The following CCDC138 variants were observed in gnomAD, a reference collection of about 807,000 sequenced individuals.
CCDC138 encodes coiled-coil domain containing 138.
In CCDC138, 66 loss-of-function variants were observed where a neutral mutation model predicts 82.3. The observed-to-expected ratio is 0.80, with a 90% CI of 0.66 to 0.98. The LOEUF (loss-of-function observed/expected upper bound fraction) is 0.98, where lower values mean the gene tolerates loss of function less well. Ranked by LOEUF, CCDC138 falls within the 50% of genes least tolerant of loss-of-function variation. The pLI is 0.00. For missense variants in CCDC138, 816 were observed against 758.9 expected, an observed-to-expected ratio of 1.08 and a Z score of -0.88; for synonymous variants, 297 against 265.4, an observed-to-expected ratio of 1.12 and a Z score of -1.16.
chr2:108,842,075 G>A (rs13430710), intron 11 of CCDC138, among the ~76,000 whole-genome samples: 9,764 of 152,142 alleles, frequency 0.064, 388 homozygotes, highest in South Asian at 0.15. Flanking sequence ...TGTTGCTCAG[G>A]CAGGAGTGCA....
intron 3 of CCDC138, among the ~76,000 whole-genome samples, chr2:108,790,813 A>G (rs2149415294): frequency 6.6e-6 from 1 of 152,294 alleles, no homozygotes; most frequent in East Asian, 1.9e-4. Flanking sequence ...GTGCAGTAGC[A>G]TAATTGTAAC....
intron 11 of CCDC138, among the ~76,000 whole-genome samples, chr2:108,843,564 C>T (rs10168310): frequency 0.018 from 2,812 of 152,270 alleles, 97 homozygotes; most frequent in African/African-American, 0.065. Context: ...TCTAGTGTGA[C>T]AGTTCTTTAC....
chr2:108,874,917 A>C (rs1574337191), intron 14 of CCDC138, among the ~76,000 whole-genome samples: 1 of 88,724 alleles, frequency 1.1e-5, no homozygotes, highest in Admixed American at 1.6e-4. Flanking sequence ...TTCTTAATTC[A>C]TGGGATTTTT....
chr2:108,845,489 A>G (rs1228720588), intron 11 of CCDC138, among the ~76,000 whole-genome samples: 1 of 152,168 alleles, frequency 6.6e-6, no homozygotes, highest in African/African-American at 2.4e-5. Flanking sequence ...ATTGGGTCAT[A>G]ATAAAGGAAA....
chr2:108,798,338 C>G (rs1457798270), intron 5 of CCDC138, 90 bp from the exon 6 acceptor site: 2 of 1,446,432 alleles, frequency 1.4e-6, no homozygotes, highest in Non-Finnish European at 1.9e-6. Flanking sequence ...CTGAAAACCA[C>G]TTGGTTAAAC....
chr2:108,790,421 A>G (rs1679716826), intron 3 of CCDC138, among the ~76,000 whole-genome samples: 1 of 152,228 alleles, frequency 6.6e-6, no homozygotes, highest in Non-Finnish European at 1.5e-5. Flanking sequence ...GTCTGAAACT[A>G]TGCTGTCCAG....
At chr2:108,786,983 C>A in intron 1 of CCDC138, 68 bp downstream of exon 1, 1 of 1,121,734 alleles carries the variant, frequency 8.9e-7, no homozygotes, top group Non-Finnish European at 1.2e-6. Flanking sequence ...CCGTGCCCCG[C>A]GCAGCCGGCC....
intron 7 of CCDC138, among the ~76,000 whole-genome samples, chr2:108,811,247 C>CTCTTTTT (rs760937756): frequency 2.5e-4 from 29 of 113,902 alleles, no homozygotes; most frequent in Middle Eastern, 4.9e-3. Context: ...TTCTCTCTCT[C>CTCTTTTT]TTTTTTTTTT....
chr2:108,797,703 A>G (rs892873439), intron 5 of CCDC138, among the ~76,000 whole-genome samples: 2 of 152,172 alleles, frequency 1.3e-5, no homozygotes, highest in Non-Finnish European at 2.9e-5. Flanking sequence ...GTATTTTATG[A>G]GAAAGAGATT....
intron 1 of CCDC138, 42 bp downstream of exon 1, chr2:108,786,957 T>C (rs1444169643): frequency 7.3e-7 from 1 of 1,375,010 alleles, no homozygotes; most frequent in Non-Finnish European, 9.6e-7. Context: ...CTCCTGCTGC[T>C]GGGGGGCGGC....
At chr2:108,864,043 A>G (rs1030286270) in intron 13 of CCDC138, among the ~76,000 whole-genome samples, 1 of 152,200 alleles carries the variant, frequency 6.6e-6, no homozygotes, top group Admixed American at 6.5e-5. Flanking sequence ...TCTCATGTGT[A>G]ACACTAGACA....
chr2:108,842,889 G>A (rs529435067), intron 11 of CCDC138, among the ~76,000 whole-genome samples: 2 of 152,118 alleles, frequency 1.3e-5, no homozygotes, highest in Admixed American at 1.3e-4. Context: ...TCATTTTACC[G>A]GTTTGAATAA....
At chr2:108,819,722 CAGAA>C (rs1685344430) in intron 10 of CCDC138, among the ~76,000 whole-genome samples, 1 of 152,144 alleles carries the variant, frequency 6.6e-6, no homozygotes, top group African/African-American at 2.4e-5. Flanking sequence ...TGTAAAGACT[CAGAA>C]AGGTATTTGT....
chr2:108,883,321 G>A (rs1696344281), intron 2 of CCDC138: 1 of 152,230 alleles, frequency 6.6e-6, no homozygotes, highest in Non-Finnish European at 1.5e-5. Context: ...TCTGTAAGAT[G>A]AAGATGGGAC....
chr2:108,877,178 A>T (rs970108922), downstream of CCDC138, among the ~76,000 whole-genome samples: 1 of 152,184 alleles, frequency 6.6e-6, no homozygotes, highest in Non-Finnish European at 1.5e-5. Flanking sequence ...AAACTTAAAA[A>T]TGCAGAAGGC....
intron 11 of CCDC138, among the ~76,000 whole-genome samples, chr2:108,844,536 T>G (rs1690117735): frequency 6.6e-6 from 1 of 152,184 alleles, no homozygotes; most frequent in African/African-American, 2.4e-5. Context: ...CTGTCGGTGT[T>G]GGCAGCTGTT....
chr2:108,885,373 A>T (rs1696396335), exon 3 of CCDC138: 1 of 152,172 alleles, frequency 6.6e-6, no homozygotes, highest in South Asian at 2.1e-4. Context: ...GATGATTGTT[A>T]TTTCATTACC....
intron 10 of CCDC138, among the ~76,000 whole-genome samples, chr2:108,834,129 A>G (rs566700174): frequency 2.0e-5 from 3 of 151,966 alleles, no homozygotes; most frequent in African/African-American, 4.8e-5. Context: ...TGGGGTTCCA[A>G]GTGTTTCCTG....
At chr2:108,788,550 TAC>T (rs1679336254) in intron 2 of CCDC138, among the ~76,000 whole-genome samples, 1 of 151,112 alleles carries the variant, frequency 6.6e-6, no homozygotes, top group Non-Finnish European at 1.5e-5. Flanking sequence ...ACCCCGTCTC[TAC>T]TAAAAAAAAT....
Sources: gnomAD v4.1 joint callset for allele counts (sites outside exome capture counted in the v4.1 genomes callset) on GRCh38, gnomAD v4.1.1 for gene constraint, MANE v1.5 for transcripts, NCBI Gene and HGNC (gene_info 2026-07-23, HGNC 2026-07-21) for gene names.